The following WWP2 variants were observed in gnomAD, a reference collection of about 807,000 sequenced individuals.
WWP2 encodes WW domain containing E3 ubiquitin protein ligase 2, also known as NEDD4-like E3 ubiquitin-protein ligase WWP2.
A neutral mutation model predicts 121.0 loss-of-function variants in WWP2; 57 were observed. That is an observed-to-expected ratio of 0.47 (90% CI 0.38 to 0.59). The LOEUF is 0.59. Among genes scored for constraint, WWP2 ranks in the 20% least tolerant of loss-of-function variants. WWP2 has a pLI of 0.00. For synonymous variants in WWP2, 449 were observed against 441.3 expected (o/e 1.02, Z -0.22); for missense variants, 962 against 1,158.9 (o/e 0.83, Z 2.47).
At chr16:69,892,989 G>A (rs191802299) in intron 8 of WWP2, among the ~76,000 whole-genome samples, 57 of 152,248 alleles carry the variant, frequency 3.7e-4, no homozygotes, top group Non-Finnish European at 6.8e-4. Context: ...TCAAGCCTTC[G>A]GTGGGATCCA....
In WWP2 at chr16:69,939,388, A is replaced by G. The variant is rs1597195867; in HGVS notation, c.2488A>G (p.Thr830Ala). The G allele has an allele frequency of 6.2e-7, 1 of 1,613,934 alleles. No individual in the cohort carries two copies. Among genetic ancestry groups the G allele is most frequent in the Non-Finnish European group, 8.5e-7 (1 of 1,180,016 alleles). ...TTGCATTGACAAAGTTGGCAAGGAA[A>G]CCTGGCTGCCCAGAAGCCACACCTG... ...KFCIDKVGKE[T>A]WLPRSHTCFN... The change falls in exon 23 of 24, where the codon ACC (threonine) becomes GCC (alanine). Residue 830 changes from threonine (T) to alanine (A), a missense_variant. Transcript: ENST00000359154.
chr16:69,835,652 A>G (rs2965758), intron 4 of WWP2, among the ~76,000 whole-genome samples: 143,246 of 152,168 alleles, frequency 0.94, 67,649 homozygotes, highest in Admixed American at 0.97. Flanking sequence ...TTCCTGAGCC[A>G]TTTGAAGGTA....
At chr16:69,926,370 C>T (rs769465645) in intron 11 of WWP2, among the ~76,000 whole-genome samples, 37 of 152,176 alleles carry the variant, frequency 2.4e-4, no homozygotes, top group South Asian at 2.3e-3. Context: ...CAGCAGAAGA[C>T]GGTAAACGTT....
intron 4 of WWP2, among the ~76,000 whole-genome samples, chr16:69,808,693 C>T (rs778630224): frequency 3.3e-5 from 5 of 152,224 alleles, no homozygotes; most frequent in Admixed American, 6.5e-5. Flanking sequence ...TGAGCCACTG[C>T]GCCCGGCCAT....
intron 6 of WWP2, among the ~76,000 whole-genome samples, chr16:69,858,923 A>G (rs995391345): frequency 1.3e-5 from 2 of 152,170 alleles, no homozygotes; most frequent in Non-Finnish European, 2.9e-5. Flanking sequence ...TGGGCACTGG[A>G]TCCCACAGAG....
intron 6 of WWP2, among the ~76,000 whole-genome samples, chr16:69,866,729 G>A (rs1243150706): frequency 6.6e-6 from 1 of 151,990 alleles, no homozygotes; most frequent in Non-Finnish European, 1.5e-5. Flanking sequence ...TCTACCTCTT[G>A]GCTATTGTGA....
At chr16:69,917,053 A>G (rs565207882) in intron 9 of WWP2, among the ~76,000 whole-genome samples, 85 of 152,340 alleles carry the variant, frequency 5.6e-4, no homozygotes, top group Non-Finnish European at 1.0e-3. Flanking sequence ...ACCAAAGACC[A>G]TGCAACATGT....
At chr16:69,871,178 G>T (rs890921035) in intron 6 of WWP2, among the ~76,000 whole-genome samples, 4 of 152,138 alleles carry the variant, frequency 2.6e-5, no homozygotes, top group African/African-American at 9.7e-5. Context: ...CAGCTACTGG[G>T]GAGGCTGAGG....
At chr16:69,844,487 C>A (rs566189071) in intron 6 of WWP2, among the ~76,000 whole-genome samples, 3 of 151,854 alleles carry the variant, frequency 2.0e-5, no homozygotes, top group African/African-American at 7.3e-5. Context: ...TAATTTGGGG[C>A]TCAAAGTCAG....
chr16:69,819,197 C>T (rs1405112578), intron 4 of WWP2, among the ~76,000 whole-genome samples: 3 of 152,188 alleles, frequency 2.0e-5, no homozygotes, highest in African/African-American at 7.2e-5. Flanking sequence ...ATTGCAAAGG[C>T]CTCTTAATGG....
intron 4 of WWP2, among the ~76,000 whole-genome samples, chr16:69,812,528 G>A (rs1460728508): frequency 6.7e-6 from 1 of 148,736 alleles, no homozygotes; most frequent in Non-Finnish European, 1.5e-5. Context: ...GCCCAGGCTG[G>A]AGTGCAGTGG....
intron 1 of WWP2, among the ~76,000 whole-genome samples, chr16:69,767,826 TTTTC>T (rs2038765227): frequency 6.6e-6 from 1 of 152,174 alleles, no homozygotes; most frequent in South Asian, 2.1e-4. Flanking sequence ...CTGAAATTTC[TTTTC>T]TTTCTTCTTT....
intron 2 of WWP2, among the ~76,000 whole-genome samples, chr16:69,791,264 A>G (rs1282078061): frequency 4.1e-5 from 6 of 147,536 alleles, no homozygotes; most frequent in East Asian, 2.0e-4. Context: ...GTCTCGCTCT[A>G]TCGCCGAGGC....
At position 69,939,865 on chromosome 16, in the gene WWP2, C is replaced by G. The variant is rs1160783708; in HGVS notation, c.2538C>G (p.Pro846=). ...HTCFNRLDLP[P]YKSYEQLREK... is the part of the protein sequence containing the mutation. Reference sequence around the variant, plus strand: ...GCTTCAACCGTCTGGATCTTCCACCCTACAAGAGCTACGAACAGCTGAGAG... The same window carrying G: ...GCTTCAACCGTCTGGATCTTCCACCGTACAAGAGCTACGAACAGCTGAGAG... Residue 846 remains proline (P), a synonymous_variant, in exon 24 of 24, where the codon CCC becomes CCG. Transcript: ENST00000359154. The G allele has an allele frequency of 1.2e-6, 2 of 1,613,976 alleles. No homozygotes were observed. The highest frequency in any genetic ancestry group is 1.7e-6 in the Non-Finnish European group (2 of 1,179,930).
intron 1 of WWP2, among the ~76,000 whole-genome samples, chr16:69,774,049 T>C (rs2055473455): frequency 1.6e-5 from 2 of 128,478 alleles, no homozygotes; most frequent in African/African-American, 5.1e-5. Context: ...TCAGTGTTGT[T>C]TTTTTTTAAT....
chr16:69,868,236 A>G (rs3790080), intron 6 of WWP2, among the ~76,000 whole-genome samples: 103,175 of 152,016 alleles, frequency 0.68, 36,688 homozygotes, highest in East Asian at 0.9. Context: ...ATGCAAAGTG[A>G]TCCCAGCTGC....
At chr16:69,794,398 T>A (rs1250884375) in intron 2 of WWP2, among the ~76,000 whole-genome samples, 5 of 152,092 alleles carry the variant, frequency 3.3e-5, no homozygotes, top group African/African-American at 1.2e-4. Context: ...GCATGGTGGC[T>A]CACACCTGTA....
At chr16:69,909,161 G>A (rs777512308) in intron 9 of WWP2, 27 of 1,050,180 alleles carry the variant, frequency 2.6e-5, no homozygotes, top group South Asian at 8.2e-5. Context: ...GCAGGGCTTC[G>A]TGAGAATGCC....
chr16:69,820,028 G>C (rs973443369), intron 4 of WWP2, among the ~76,000 whole-genome samples: 1 of 152,116 alleles, frequency 6.6e-6, no homozygotes, highest in Non-Finnish European at 1.5e-5. Flanking sequence ...GGGGATGGAT[G>C]GGGTTCGAGA....
Sources: allele counts gnomAD v4.1 joint callset (sites outside exome capture counted in the v4.1 genomes callset), GRCh38; gene constraint gnomAD v4.1.1; transcripts MANE v1.5; gene names NCBI Gene and HGNC (gene_info 2026-07-23, HGNC 2026-07-21).